The following LRP1B variants were observed in gnomAD, a reference collection of about 807,000 sequenced individuals.
The protein encoded by LRP1B is LDL receptor related protein 1B.
LRP1B carries 217 observed loss-of-function variants against 556.6 expected under a neutral mutation model. The ratio of observed to expected loss-of-function variants is 0.39; its 90% CI spans 0.35 to 0.44. LRP1B has a LOEUF of 0.44. LRP1B is among the 20% of genes least tolerant of loss of function. LRP1B has a pLI of 1.00. For missense variants in LRP1B, 5,053 were observed against 5,620.8 expected (o/e 0.90, Z 3.23); for synonymous variants, 2,047 against 1,865.8 (o/e 1.10, Z -2.50).
At chr2:141,397,629 A>G (rs7592660) in intron 3 of LRP1B, among the ~76,000 whole-genome samples, 13,062 of 151,904 alleles carry the variant, frequency 0.086, 867 homozygotes, top group African/African-American at 0.18. Context: ...TTATTGCTAT[A>G]TTTTAAAATA....
At position 140,981,090 on chromosome 2, in the gene LRP1B, G is replaced by A. The variant is rs1400522533; in HGVS notation, c.2887+1070C>T. 1.3e-5 allele frequency among the ~76,000 whole-genome samples: 2 copies of A among 151,724 alleles called. 1 individual carries two copies. The highest frequency in any genetic ancestry group is 2.9e-5 in the Non-Finnish European group (2 of 67,944). ...TGATGTAATAGACTGTGGGGACTTG[G>A]TGGGGGGAAAGCTGTAAAGGGGGTA... On this transcript the variant is annotated intron_variant, in intron 18 of 90. Coordinates refer to ENST00000389484, the MANE Select transcript of LRP1B (RefSeq NM_018557.3).
At chr2:140,516,375 G>C (rs1689899360) in intron 50 of LRP1B, among the ~76,000 whole-genome samples, 1 of 151,996 alleles carries the variant, frequency 6.6e-6, no homozygotes, top group Non-Finnish European at 1.5e-5. Flanking sequence ...GTAATCAAGA[G>C]GTTATTTAAA....
chr2:141,549,787 G>A (rs555641879), intron 2 of LRP1B, among the ~76,000 whole-genome samples: 2 of 152,260 alleles, frequency 1.3e-5, no homozygotes, highest in South Asian at 4.1e-4. Flanking sequence ...ATGAGGTCAA[G>A]AGTTCGAGAC....
chr2:140,837,700 A>G (rs1691956872), intron 31 of LRP1B, among the ~76,000 whole-genome samples: 1 of 151,834 alleles, frequency 6.6e-6, no homozygotes, highest in South Asian at 2.1e-4. Flanking sequence ...ACAAAAAACC[A>G]AACACCGCAT....
chr2:140,693,087 T>C (rs1686303301), intron 41 of LRP1B, among the ~76,000 whole-genome samples: 1 of 152,216 alleles, frequency 6.6e-6, no homozygotes, highest in Admixed American at 6.5e-5. Context: ...AAGTTATATA[T>C]AAATATGGAT....
At chr2:141,208,359 A>G (rs536144096) in intron 6 of LRP1B, 1 of 152,386 alleles carries the variant, frequency 6.6e-6, no homozygotes, top group African/African-American at 2.4e-5. Flanking sequence ...CGATGAGACC[A>G]TTGCAGCATT....
intron 2 of LRP1B, among the ~76,000 whole-genome samples, chr2:141,530,678 T>G (rs1443803863): frequency 6.6e-6 from 1 of 152,002 alleles, no homozygotes; most frequent in Non-Finnish European, 1.5e-5. Context: ...GGAAAAGTAT[T>G]AGATAAGATT....
At chr2:140,512,430 C>T (rs543353587) in intron 51 of LRP1B, among the ~76,000 whole-genome samples, 15 of 152,102 alleles carry the variant, frequency 9.9e-5, no homozygotes, top group African/African-American at 3.6e-4. Flanking sequence ...GAAAAGAATC[C>T]CGAGGGAGAA....
intron 41 of LRP1B, among the ~76,000 whole-genome samples, chr2:140,627,392 G>C (rs1297756071): frequency 6.6e-6 from 1 of 152,112 alleles, no homozygotes; most frequent in African/African-American, 2.4e-5. Context: ...GAGTCTTTTG[G>C]CCTCCATTTT....
chr2:140,253,904 A>C (rs1049073870), intron 86 of LRP1B, among the ~76,000 whole-genome samples: 1 of 152,172 alleles, frequency 6.6e-6, no homozygotes, highest in Non-Finnish European at 1.5e-5. Context: ...TGTGTGCTGC[A>C]ATACTAGTGG....
intron 1 of LRP1B, among the ~76,000 whole-genome samples, chr2:141,872,823 T>C (rs1481800577): frequency 6.6e-6 from 1 of 151,994 alleles, no homozygotes; most frequent in East Asian, 1.9e-4. Flanking sequence ...ACTACTTAAA[T>C]TAATTAATTA....
chr2:140,813,442 A>G (rs1374222878), intron 32 of LRP1B, among the ~76,000 whole-genome samples: 1 of 152,228 alleles, frequency 6.6e-6, no homozygotes, highest in East Asian at 1.9e-4. Flanking sequence ...CAGTAAAGTT[A>G]GTATTGCTAA....
intron 86 of LRP1B, among the ~76,000 whole-genome samples, chr2:140,255,149 C>A (rs2104914722): frequency 6.6e-6 from 1 of 152,220 alleles, no homozygotes; most frequent in African/African-American, 2.4e-5. Flanking sequence ...AAAACTCTTA[C>A]CAGATTTGTT....
chr2:140,924,185 G>T (rs1573884788), intron 20 of LRP1B, among the ~76,000 whole-genome samples: 1 of 151,878 alleles, frequency 6.6e-6, no homozygotes, highest in East Asian at 1.9e-4. Context: ...TATTACACTG[G>T]TTTGGTAGAT....
chr2:140,531,726 G>T (rs1690701675), intron 47 of LRP1B, among the ~76,000 whole-genome samples: 1 of 151,964 alleles, frequency 6.6e-6, no homozygotes, highest in Admixed American at 6.6e-5. Flanking sequence ...ACGTGCTCTT[G>T]CTTTCCTCTA....
chr2:140,407,998 A>G (rs1451426962), intron 66 of LRP1B, among the ~76,000 whole-genome samples: 1 of 152,100 alleles, frequency 6.6e-6, no homozygotes, highest in Non-Finnish European at 1.5e-5. Context: ...CTACTCAGCC[A>G]TAAAAAGGAA....
At chr2:141,971,342 T>C (rs1701727368) in intron 1 of LRP1B, among the ~76,000 whole-genome samples, 1 of 151,430 alleles carries the variant, frequency 6.6e-6, no homozygotes, top group Admixed American at 6.6e-5. Flanking sequence ...GTTTCTTATA[T>C]TATGGAAGCT....
chr2:141,300,788 T>C (rs1346755393), intron 3 of LRP1B, among the ~76,000 whole-genome samples: 1 of 152,188 alleles, frequency 6.6e-6, no homozygotes, highest in Non-Finnish European at 1.5e-5. Flanking sequence ...CTATGCTTTC[T>C]GTACAGCCTG....
At chr2:141,917,834 A>G (rs1158507932) in intron 1 of LRP1B, among the ~76,000 whole-genome samples, 1 of 152,182 alleles carries the variant, frequency 6.6e-6, no homozygotes, top group Non-Finnish European at 1.5e-5. Context: ...CTTAAATAAC[A>G]GTACACAATT....
Sources: gnomAD v4.1 joint callset for allele counts (sites outside exome capture counted in the v4.1 genomes callset) on GRCh38, gnomAD v4.1.1 for gene constraint, MANE v1.5 for transcripts, NCBI Gene and HGNC (gene_info 2026-07-23, HGNC 2026-07-21) for gene names.